The following SSPN variants were observed in gnomAD, a reference collection of about 807,000 sequenced individuals.
The protein encoded by SSPN is sarcospan, also known as K-ras oncogene-associated protein.
A neutral mutation model predicts 19.1 loss-of-function variants in SSPN; 15 were observed. The ratio of observed to expected loss-of-function variants is 0.78; its 90% confidence interval spans 0.52 to 1.21. The LOEUF (loss-of-function observed/expected upper bound fraction) is 1.21. SSPN is among the 50% of genes most tolerant of loss of function. The pLI is 0.00. For missense variants in SSPN, 291 were observed against 314.0 expected, an observed-to-expected ratio of 0.93 and a Z score of 0.55; for synonymous variants, 147 against 140.3, an observed-to-expected ratio of 1.05 and a Z score of -0.34.
At chr12:26,161,984 C>T (rs572349446) in intron 1 of SSPN, among the ~76,000 whole-genome samples, 15 of 152,180 alleles carry the variant, frequency 9.9e-5, no homozygotes, top group Admixed American at 5.2e-4. Flanking sequence ...GTCCGTGGCC[C>T]GGGGGTTGGG....
At chr12:26,140,198 T>G (rs1247678285) in intron 1 of SSPN, among the ~76,000 whole-genome samples, 1 of 152,160 alleles carries the variant, frequency 6.6e-6, no homozygotes, top group Non-Finnish European at 1.5e-5. Context: ...TCATGACCAT[T>G]CCAGCCTGGT....
At chr12:26,128,344 A>G (rs1944378629) in intron 1 of SSPN, among the ~76,000 whole-genome samples, 1 of 152,250 alleles carries the variant, frequency 6.6e-6, no homozygotes, top group African/African-American at 2.4e-5. Context: ...GAAGAGAGGC[A>G]GTCTTTTGCC....
chr12:26,210,944 T>C (rs958247704), intron 1 of SSPN, among the ~76,000 whole-genome samples: 3 of 152,132 alleles, frequency 2.0e-5, no homozygotes, highest in Non-Finnish European at 4.4e-5. Context: ...TATTGCATTG[T>C]TTGGGGGAAA....
chr12:26,201,021 A>AT (rs1555179530), intron 1 of SSPN, among the ~76,000 whole-genome samples: 12 of 43,772 alleles, frequency 2.7e-4, no homozygotes, highest in South Asian at 7.3e-4. Context: ...GTATATATAT[A>AT]TATATATATA....
rs536518663 is a variant in SSPN, at chr12:26,147,265, G to C, written c.-31+25113G>C. 1.6e-4 allele frequency among the ~76,000 whole-genome samples: 14 copies of C among 89,112 alleles called. No homozygotes were observed. In the South Asian group the frequency reaches 8.1e-3, roughly 52 times the overall value. 58.5% of individuals were successfully genotyped at this position (89,112 alleles called of 152,430 possible). ...GAGAAAATGAAAACGATAATTTTTG[G>C]GGTTTTTTTTGTGTTTTTTTTTTTT... On this transcript the variant is annotated intron_variant, in intron 1 of 2. Coordinates refer to the SSPN transcript ENST00000538142.
At chr12:26,185,746 C>A (rs1389546095) in intron 1 of SSPN, among the ~76,000 whole-genome samples, 1 of 152,190 alleles carries the variant, frequency 6.6e-6, no homozygotes, top group African/African-American at 2.4e-5. Context: ...GTGATCAGTT[C>A]CCGGCACATT....
At chr12:26,137,401 T>C in intron 1 of SSPN, among the ~76,000 whole-genome samples, 1 of 152,014 alleles carries the variant, frequency 6.6e-6, no homozygotes, top group Admixed American at 6.6e-5. Flanking sequence ...AGCATGGCTT[T>C]GGGGTCTGAA....
chr12:26,129,904 A>C lies in SSPN; in HGVS notation c.-31+7752A>C, dbSNP rs539402792. The stretch of plus-strand genomic sequence containing the variant: ...ATTCATGCAGGCTGTTCTGCATTTC[A>C]CGTGTGCTCAAAATTCCTGGAGTTC... On this transcript the variant is annotated intron_variant, in intron 1 of 2. Transcript: ENST00000538142. Among the ~76,000 whole-genome samples, 10 of 152,270 alleles carry C rather than the reference A, an allele frequency of 6.6e-5. No individual in the cohort carries two copies. The South Asian group carries it at 2.1e-3, about 32-fold the overall frequency.
chr12:26,191,568 A>T (rs1401733629), upstream of SSPN, among the ~76,000 whole-genome samples: 1 of 152,186 alleles, frequency 6.6e-6, no homozygotes, highest in Non-Finnish European at 1.5e-5. Context: ...AGCAAAAATT[A>T]TAAATGGGTC....
At chr12:26,122,298 G>A in intron 1 of SSPN, 1 of 1,186,038 alleles carries the variant, frequency 8.4e-7, no homozygotes, top group Non-Finnish European at 1.0e-6. Context: ...GGCGGCGGCG[G>A]CAGCGGCGGC....
chr12:26,123,293 A>G (rs556477377), intron 1 of SSPN: 2 of 1,288,056 alleles, frequency 1.6e-6, no homozygotes, highest in East Asian at 2.5e-5. Context: ...GTTTTTCCCC[A>G]GTATTCAAGT....
chr12:26,212,573 G>A (rs1945000945), intron 1 of SSPN, among the ~76,000 whole-genome samples: 1 of 152,010 alleles, frequency 6.6e-6, no homozygotes, highest in African/African-American at 2.4e-5. Flanking sequence ...ACCCCTCGTG[G>A]GCAGGCAGAA....
At chr12:26,200,691 G>A (rs12823438) in intron 1 of SSPN, among the ~76,000 whole-genome samples, 2 of 152,028 alleles carry the variant, frequency 1.3e-5, no homozygotes, top group African/African-American at 4.8e-5. Flanking sequence ...GAGTTGTATT[G>A]ACATTTGAAA....
intron 1 of SSPN, among the ~76,000 whole-genome samples, chr12:26,154,098 A>T (rs1376784548): frequency 6.6e-6 from 1 of 152,198 alleles, no homozygotes; most frequent in Non-Finnish European, 1.5e-5. Context: ...TATGGCAAAA[A>T]CCTTATCTTG....
At chr12:26,155,164 G>A (rs1448776570) in intron 1 of SSPN, among the ~76,000 whole-genome samples, 1 of 152,188 alleles carries the variant, frequency 6.6e-6, no homozygotes, top group African/African-American at 2.4e-5. Context: ...TACAACTAGT[G>A]TATTCGTGGT....
At chr12:26,208,016 GGT>G (rs1491266655) in intron 1 of SSPN, among the ~76,000 whole-genome samples, 4 of 102,550 alleles carry the variant, frequency 3.9e-5, no homozygotes, top group Admixed American at 8.8e-5. Flanking sequence ...AAGTGGTGGT[GGT>G]GGGGGGGGGG....
At chr12:26,217,308 T>G (rs1163156341) in intron 1 of SSPN, among the ~76,000 whole-genome samples, 1 of 142,954 alleles carries the variant, frequency 7.0e-6, no homozygotes, top group Non-Finnish European at 1.5e-5. Flanking sequence ...ATAAGTTGGA[T>G]TCCTAGGTAT....
chr12:26,161,677 T>C (rs1473067227), intron 1 of SSPN, among the ~76,000 whole-genome samples: 4 of 152,268 alleles, frequency 2.6e-5, no homozygotes, highest in South Asian at 2.1e-4. Context: ...GGTTCCCCAA[T>C]CTTTTTGGTA....
At chr12:26,124,963 C>T (rs1480037) in intron 1 of SSPN, 33,112 of 636,612 alleles carry the variant, frequency 0.052, 970 homozygotes, top group South Asian at 0.084. Context: ...CGCTCGCACA[C>T]ACACACGCAC....
Sources: allele counts gnomAD v4.1 joint callset (sites outside exome capture counted in the v4.1 genomes callset), GRCh38; gene constraint gnomAD v4.1.1; transcripts MANE v1.5; gene names NCBI Gene and HGNC (gene_info 2026-07-23, HGNC 2026-07-21).